Variants in SNTB1 observed in about 807,000 individuals in gnomAD.
SNTB1 encodes the protein syntrophin beta 1.
A neutral mutation model predicts 48.9 loss-of-function variants in SNTB1; 36 were observed. The observed-to-expected ratio is 0.74, with a 90% confidence interval of 0.56 to 0.97. The LOEUF (loss-of-function observed/expected upper bound fraction) is 0.97. SNTB1 is among the 50% of genes least tolerant of loss of function. The probability of loss-of-function intolerance (pLI) is 0.00; values close to 1 mark genes in which losing one functional copy is unlikely to be tolerated. For synonymous variants in SNTB1, 299 were observed against 294.6 expected (o/e 1.01, Z -0.15); for missense variants, 786 against 703.4 (o/e 1.12, Z -1.33).
intron 2 of SNTB1, among the ~76,000 whole-genome samples, chr8:120,647,719 C>A (rs1817325489): frequency 1.2e-5 from 1 of 83,786 alleles, no homozygotes; most frequent in Non-Finnish European, 2.3e-5. Flanking sequence ...CCTGGGTATC[C>A]TTGTTGACTT....
chr8:120,709,929 T>C (rs140928948), intron 1 of SNTB1, among the ~76,000 whole-genome samples: 11 of 150,918 alleles, frequency 7.3e-5, no homozygotes, highest in African/African-American at 2.4e-4. Flanking sequence ...AAAAAAGGTA[T>C]GCCATAAATA....
intron 2 of SNTB1, among the ~76,000 whole-genome samples, chr8:120,687,190 C>A (rs1014151664): frequency 1.3e-5 from 2 of 152,172 alleles, no homozygotes; most frequent in African/African-American, 2.4e-5. Context: ...AAAATGATTC[C>A]TCCCTTGTTT....
rs191809158 is a variant in SNTB1, at chr8:120,745,805, T to G, written c.572-51897A>C. ...ACAGCTGCCATGACGCTGGACACTC[T>G]CTCTCACCCCAAAGTCTTGTCCCAC... On this transcript the variant is annotated intron_variant, in intron 1 of 6. Coordinates refer to ENST00000517992, the MANE Select transcript of SNTB1 (RefSeq NM_021021.4). Among the ~76,000 whole-genome samples the G allele has an allele frequency of 1.2e-4, 19 of 152,246 alleles. No individual in the cohort carries two copies. In the East Asian group the frequency reaches 3.5e-3, roughly 28 times the overall value.
intron 2 of SNTB1, among the ~76,000 whole-genome samples, chr8:120,677,133 T>C (rs1218076156): frequency 6.6e-6 from 1 of 152,030 alleles, no homozygotes; most frequent in Non-Finnish European, 1.5e-5. Context: ...CTGATGCATA[T>C]GGAAGTCAAC....
chr8:120,606,100 G>C (rs918694952), intron 3 of SNTB1, among the ~76,000 whole-genome samples: 1 of 151,434 alleles, frequency 6.6e-6, no homozygotes, highest in Non-Finnish European at 1.5e-5. Context: ...TCAGACTAGG[G>C]CTTTGCAGTG....
At chr8:120,594,327 T>A (rs1238218666) in intron 3 of SNTB1, among the ~76,000 whole-genome samples, 1 of 152,148 alleles carries the variant, frequency 6.6e-6, no homozygotes, top group Non-Finnish European at 1.5e-5. Context: ...AACCTCCACC[T>A]CCCGGGTTCC....
At chr8:120,626,168 A>G (rs1816878888) in intron 3 of SNTB1, among the ~76,000 whole-genome samples, 1 of 152,162 alleles carries the variant, frequency 6.6e-6, no homozygotes, top group African/African-American at 2.4e-5. Flanking sequence ...ACTGAAAATT[A>G]ATGGTGATCT....
At chr8:120,725,522 G>A (rs76405190) in intron 1 of SNTB1, among the ~76,000 whole-genome samples, 4,118 of 152,300 alleles carry the variant, frequency 0.027, 104 homozygotes, top group Non-Finnish European at 0.041. Context: ...AGCTCACAAT[G>A]TTGTGTACAA....
At chr8:120,574,528 C>T (rs1158944968) in intron 4 of SNTB1, among the ~76,000 whole-genome samples, 3 of 151,868 alleles carry the variant, frequency 2.0e-5, no homozygotes, top group Non-Finnish European at 2.9e-5. Flanking sequence ...ATGTCAATAC[C>T]GTGATGAAGT....
chr8:120,689,796 T>G (rs923714551), intron 2 of SNTB1, among the ~76,000 whole-genome samples: 1 of 152,222 alleles, frequency 6.6e-6, no homozygotes, highest in Non-Finnish European at 1.5e-5. Flanking sequence ...TTTTCTAGTT[T>G]TATTCCACTG....
At chr8:120,720,929 A>G (rs1818649351) in intron 1 of SNTB1, among the ~76,000 whole-genome samples, 1 of 152,242 alleles carries the variant, frequency 6.6e-6, no homozygotes, top group Non-Finnish European at 1.5e-5. Flanking sequence ...TACTATGCTA[A>G]GCTTAGGCAC....
chr8:120,543,449 C>T (rs1406983559), intron 5 of SNTB1, among the ~76,000 whole-genome samples: 1 of 152,190 alleles, frequency 6.6e-6, no homozygotes, highest in Non-Finnish European at 1.5e-5. Context: ...AAACCACACA[C>T]TTCTGAAGCT....
chr8:120,570,222 C>T (rs1815821526), intron 4 of SNTB1: 1 of 152,284 alleles, frequency 6.6e-6, no homozygotes. Flanking sequence ...TACTTTGTGT[C>T]CTCACAGAAA....
At chr8:120,560,398 G>A (rs899242290) in intron 4 of SNTB1, among the ~76,000 whole-genome samples, 35 of 152,152 alleles carry the variant, frequency 2.3e-4, no homozygotes, top group Admixed American at 1.4e-3. Flanking sequence ...TAGGAGAATC[G>A]CTTGAACCCT....
chr8:120,670,997 T>C (rs1232379352), intron 2 of SNTB1, among the ~76,000 whole-genome samples: 1 of 152,234 alleles, frequency 6.6e-6, no homozygotes, highest in African/African-American at 2.4e-5. Context: ...GATCAGGTTT[T>C]GTACTTTGGG....
chr8:120,767,547 T>G (rs533509472), intron 1 of SNTB1, among the ~76,000 whole-genome samples: 88 of 152,370 alleles, frequency 5.8e-4, no homozygotes, highest in African/African-American at 2.1e-3. Context: ...TCTAGTGGTA[T>G]AGCTGTTTAG....
chr8:120,759,335 C>T (rs557400324), intron 1 of SNTB1, among the ~76,000 whole-genome samples: 1 of 152,158 alleles, frequency 6.6e-6, no homozygotes, highest in African/African-American at 2.4e-5. Context: ...CTAGAAATGT[C>T]CAAGCATTCT....
At chr8:120,687,999 C>T (rs1395471021) in intron 2 of SNTB1, among the ~76,000 whole-genome samples, 1 of 152,218 alleles carries the variant, frequency 6.6e-6, no homozygotes, top group African/African-American at 2.4e-5. Flanking sequence ...AGGCATCTTA[C>T]AGGACTTAAC....
intron 4 of SNTB1, among the ~76,000 whole-genome samples, chr8:120,574,864 T>G (rs1015503169): frequency 1.3e-5 from 2 of 152,312 alleles, no homozygotes; most frequent in South Asian, 4.1e-4. Context: ...CACTGTTTCT[T>G]GATGATGGAC....
Sources: gnomAD v4.1 joint callset for allele counts (sites outside exome capture counted in the v4.1 genomes callset) on GRCh38, gnomAD v4.1.1 for gene constraint, MANE v1.5 for transcripts, NCBI Gene and HGNC (gene_info 2026-07-23, HGNC 2026-07-21) for gene names.